Variants in SMAD2 observed in about 807,000 individuals in gnomAD.
SMAD2 encodes MAD homolog 2.
SMAD2 carries 8 observed loss-of-function variants against 64.4 expected under a neutral mutation model. That is an observed-to-expected ratio of 0.12 (90% CI 0.07 to 0.22). The LOEUF (loss-of-function observed/expected upper bound fraction) is 0.22, where lower values mean the gene tolerates loss of function less well. SMAD2 is among the 10% of genes least tolerant of loss of function. The pLI is 1.00. For missense variants in SMAD2, 289 were observed against 561.2 expected, an observed-to-expected ratio of 0.51 and a Z score of 4.90; for synonymous variants, 203 against 195.8, an observed-to-expected ratio of 1.04 and a Z score of -0.31.
chr18:47,867,904 T>G (rs750004553), intron 5 of SMAD2, among the ~76,000 whole-genome samples: 2 of 152,218 alleles, frequency 1.3e-5, no homozygotes, highest in African/African-American at 2.4e-5. Context: ...ATGTTATATT[T>G]CTGTTAAATA....
chr18:47,893,606 T>A (rs2033308352), intron 2 of SMAD2, among the ~76,000 whole-genome samples: 1 of 152,230 alleles, frequency 6.6e-6, no homozygotes, highest in African/African-American at 2.4e-5. Context: ...CCATAACAAA[T>A]CTTTTCCATC....
At chr18:47,872,380 C>G (rs1038531763) in intron 2 of SMAD2, among the ~76,000 whole-genome samples, 10 of 151,278 alleles carry the variant, frequency 6.6e-5, no homozygotes, top group African/African-American at 2.2e-4. Context: ...AACCGTGGAT[C>G]AAAAAGTAGA....
intron 2 of SMAD2, among the ~76,000 whole-genome samples, chr18:47,892,706 A>C (rs991343855): frequency 6.6e-6 from 1 of 152,228 alleles, no homozygotes; most frequent in African/African-American, 2.4e-5. Context: ...ATTAAAAACA[A>C]TACAGATTCC....
Position 47,829,775 on chromosome 18 carries a change from T to A in SMAD2, c.*12052A>T, listed in dbSNP as rs1912916069. The A allele has an allele frequency of 1.3e-5, 2 of 152,202 alleles. No individual in the cohort carries two copies. The highest frequency in any genetic ancestry group is 2.9e-5 in the Non-Finnish European group (2 of 68,032). 9.4% of individuals were successfully genotyped at this position (152,202 alleles called of 1,614,324 possible). ...AAAATTTAGTTTACCAAATGTAGCT[T>A]TTTATGTTTTATGTTTTACCAACAA... On this transcript the variant is annotated 3_prime_UTR_variant, in exon 11 of 11. Coordinates refer to ENST00000262160, the MANE Select transcript of SMAD2 (RefSeq NM_005901.6).
rs929839862 is a variant in SMAD2 at position 47,848,599 on chromosome 18, A to G, written c.873T>C (p.His291=). 2 of 1,613,872 alleles carry G rather than the reference A, an allele frequency of 1.2e-6. No homozygotes were observed. The highest frequency in any genetic ancestry group is 3.3e-5 in the Admixed American group (2 of 60,020). Residue 291 remains histidine (H), a synonymous_variant, in exon 8 of 11, where the codon CAT becomes CAC. Transcript: ENST00000262160. ...ELNQRVGETF[H]ASQPSLTVDG... is the part of the protein sequence containing the mutation. Reference sequence around the variant, plus strand: ...CTACAGTGAGTGAGGGCTGTGATGCATGGAAGGTTTCTCCAACCCTCTGAT... The same window carrying G: ...CTACAGTGAGTGAGGGCTGTGATGCGTGGAAGGTTTCTCCAACCCTCTGAT...
At chr18:47,881,828 T>C (rs188872296) in intron 2 of SMAD2, among the ~76,000 whole-genome samples, 1 of 152,162 alleles carries the variant, frequency 6.6e-6, no homozygotes, top group Non-Finnish European at 1.5e-5. Flanking sequence ...AGTGAGGTGA[T>C]CTTATAGTTT....
intron 10 of SMAD2, among the ~76,000 whole-genome samples, chr18:47,844,099 T>A (rs145847169): frequency 6.6e-6 from 1 of 152,270 alleles, no homozygotes; most frequent in Non-Finnish European, 1.5e-5. Flanking sequence ...AAAAGGGTAA[T>A]AATCAAAACA....
chr18:47,904,605 T>C (rs765041807), intron 1 of SMAD2, among the ~76,000 whole-genome samples: 2 of 152,100 alleles, frequency 1.3e-5, no homozygotes, highest in Non-Finnish European at 2.9e-5. Context: ...AGCAAAGGTC[T>C]GTTACTACTA....
In SMAD2 at chr18:47,834,512, A is replaced by G. The variant is rs980672886; in HGVS notation, c.*7315T>C. ...GAGAACACTACCCACTCGTTCCTTA[A>G]TATCACTAGAGAAAAGGTAAGAACT... On this transcript the variant is annotated 3_prime_UTR_variant, in exon 11 of 11. Transcript: ENST00000262160. 1 of 204,968 alleles carries G rather than the reference A, an allele frequency of 4.9e-6. No homozygotes were observed. The highest frequency in any genetic ancestry group is 2.3e-5 in the African/African-American group (1 of 43,782). The allele number at this position is 204,968 out of a possible 1,614,324, so 12.7% of individuals were successfully genotyped here. A position where few individuals can be genotyped will look rare whatever the true frequency, so the allele number is the denominator to read the frequency against.
intron 1 of SMAD2, among the ~76,000 whole-genome samples, chr18:47,897,833 G>A (rs1942158): frequency 0.39 from 58,788 of 151,748 alleles, 12,130 homozygotes; most frequent in East Asian, 0.59. Flanking sequence ...TAGCTCTTAC[G>A]CTTTTCTTTC....
chr18:47,893,670 A>T (rs2033309872), intron 2 of SMAD2, among the ~76,000 whole-genome samples: 1 of 152,202 alleles, frequency 6.6e-6, no homozygotes, highest in Non-Finnish European at 1.5e-5. Context: ...AATTCCAACT[A>T]AATTTCTTAC....
chr18:47,867,964 A>G (rs1455710902), intron 5 of SMAD2, among the ~76,000 whole-genome samples: 2 of 152,176 alleles, frequency 1.3e-5, no homozygotes, highest in Admixed American at 6.5e-5. Flanking sequence ...ATTCAGTTAC[A>G]TGTGTTTGGG....
At chr18:47,904,585 A>G (rs1355683126) in intron 1 of SMAD2, among the ~76,000 whole-genome samples, 1 of 152,174 alleles carries the variant, frequency 6.6e-6, no homozygotes, top group Non-Finnish European at 1.5e-5. Flanking sequence ...AAGATCCCGT[A>G]CTAATACACA....
chr18:47,820,933 ACACACAC>A lies in SMAD2; in HGVS notation c.*20887_*20893del, dbSNP rs1226713860. On this transcript the variant is annotated 3_prime_UTR_variant, in exon 11 of 11. Coordinates refer to ENST00000262160, the MANE Select transcript of SMAD2 (RefSeq NM_005901.6). ...CACACACACACACACACACACACAC[ACACACAC>A]AAAATTTGGTCCCCAATGTTAGAAC... 4.1e-5 allele frequency: 5 copies of A among 121,220 alleles called. No individual in the cohort carries two copies. The highest frequency in any genetic ancestry group is 1.4e-4 in the African/African-American group (5 of 34,800). 7.5% of individuals were successfully genotyped at this position (121,220 alleles called of 1,614,324 possible). A position where few individuals can be genotyped will look rare whatever the true frequency, so the allele number is the denominator to read the frequency against.
intron 2 of SMAD2, among the ~76,000 whole-genome samples, chr18:47,890,832 A>G (rs2033154306): frequency 6.6e-6 from 1 of 152,240 alleles, no homozygotes. Flanking sequence ...TTGCTTAAGA[A>G]TGGAAGAATA....
intron 2 of SMAD2, among the ~76,000 whole-genome samples, chr18:47,883,411 T>C (rs2032721630): frequency 6.6e-6 from 1 of 152,240 alleles, no homozygotes; most frequent in Non-Finnish European, 1.5e-5. Flanking sequence ...GTAAACAGTC[T>C]TTCCTGGTGA....
At chr18:47,864,421 A>G (rs1324539854) in intron 6 of SMAD2, among the ~76,000 whole-genome samples, 1 of 152,182 alleles carries the variant, frequency 6.6e-6, no homozygotes, top group Non-Finnish European at 1.5e-5. Flanking sequence ...AGGTTGTGAT[A>G]TTAAGGTGTC....
rs1473304726 is a variant in SMAD2, at chr18:47,826,682, T to C, written c.*15145A>G. 1 of 152,254 alleles carries C rather than the reference T, an allele frequency of 6.6e-6. No individual in the cohort carries two copies. Among genetic ancestry groups the C allele is most frequent in the African/African-American group, 2.4e-5 (1 of 41,464 alleles). The allele number at this position is 152,254 out of a possible 1,614,324, so 9.4% of individuals were successfully genotyped here. On this transcript the variant is annotated 3_prime_UTR_variant, in exon 11 of 11. Transcript: ENST00000262160. ...TTTATTGCTGCACACCACTGGGTTT[T>C]TGTGGTTGCTACGAGTTACTTTTGC... is the stretch of plus-strand genomic sequence containing the variant.
At chr18:47,918,255 A>G (rs908089923) in intron 1 of SMAD2, among the ~76,000 whole-genome samples, 1 of 152,194 alleles carries the variant, frequency 6.6e-6, no homozygotes, top group Non-Finnish European at 1.5e-5. Context: ...GTAGGAAGAA[A>G]AGAGGGTGTG....
Sources: allele counts gnomAD v4.1 joint callset (sites outside exome capture counted in the v4.1 genomes callset), GRCh38; gene constraint gnomAD v4.1.1; transcripts MANE v1.5; gene names NCBI Gene and HGNC (gene_info 2026-07-23, HGNC 2026-07-21).